PDE10A: variants seen among roughly 807,000 people sequenced by gnomAD.
PDE10A encodes the protein phosphodiesterase 10A, also known as cAMP and cAMP-inhibited cGMP 3',5'-cyclic phosphodiesterase 10A.
In PDE10A, 39 loss-of-function variants were observed where a neutral mutation model predicts 97.7. That is an observed-to-expected ratio of 0.40 (90% CI 0.31 to 0.52). The LOEUF is 0.52. Ranked by LOEUF, PDE10A falls within the 20% of genes least tolerant of loss-of-function variation. The probability of loss-of-function intolerance (pLI) is 0.56; values close to 1 mark genes in which losing one functional copy is unlikely to be tolerated. For missense variants in PDE10A, 731 were observed against 1,047.8 expected (o/e 0.70, Z 4.17); for synonymous variants, 371 against 376.8 (o/e 0.98, Z 0.18).
chr6:165,351,977 C>T (rs933266339), intron 18 of PDE10A, among the ~76,000 whole-genome samples: 1 of 152,034 alleles, frequency 6.6e-6, no homozygotes, highest in Non-Finnish European at 1.5e-5. Flanking sequence ...CCTCAGCCTC[C>T]CAAGTAGCTG....
At chr6:165,459,950 T>TA (rs1778222062) in intron 3 of PDE10A, among the ~76,000 whole-genome samples, 1 of 151,994 alleles carries the variant, frequency 6.6e-6, no homozygotes, top group African/African-American at 2.4e-5. Flanking sequence ...GTCCAAAATG[T>TA]AAAAAAGGAA....
At chr6:165,610,019 A>G (rs1455886021) in intron 1 of PDE10A, among the ~76,000 whole-genome samples, 1 of 152,248 alleles carries the variant, frequency 6.6e-6, no homozygotes, top group African/African-American at 2.4e-5. Flanking sequence ...TTTAAAGTTC[A>G]TATGGAACCA....
At chr6:165,399,539 G>A (rs574185434) in intron 13 of PDE10A, among the ~76,000 whole-genome samples, 38 of 152,066 alleles carry the variant, frequency 2.5e-4, no homozygotes, top group African/African-American at 8.9e-4. Context: ...CCATCAACCC[G>A]TCATTTAACA....
At chr6:165,522,880 A>C (rs985576816) in intron 2 of PDE10A, among the ~76,000 whole-genome samples, 13 of 152,098 alleles carry the variant, frequency 8.5e-5, no homozygotes, top group Non-Finnish European at 1.5e-5. Context: ...AACCCTAAAC[A>C]ATCTACCAAA....
intron 1 of PDE10A, among the ~76,000 whole-genome samples, chr6:165,733,992 C>T (rs1035042010): frequency 3.4e-4 from 52 of 152,234 alleles, no homozygotes; most frequent in African/African-American, 1.3e-3. Context: ...ATAGAAATGG[C>T]ATTTGCTTCA....
chr6:165,350,834 A>G (rs1782643551), intron 18 of PDE10A, among the ~76,000 whole-genome samples: 1 of 152,120 alleles, frequency 6.6e-6, no homozygotes, highest in South Asian at 2.1e-4. Context: ...TCTCCCTCCT[A>G]CTGCCATGTG....
intron 18 of PDE10A, among the ~76,000 whole-genome samples, chr6:165,377,405 C>A (rs1784673144): frequency 6.6e-6 from 1 of 152,042 alleles, no homozygotes; most frequent in Admixed American, 6.6e-5. Context: ...ATTATTAAAA[C>A]AAACATGCAT....
At chr6:165,713,282 A>G (rs1005680734) in intron 1 of PDE10A, among the ~76,000 whole-genome samples, 10 of 152,228 alleles carry the variant, frequency 6.6e-5, no homozygotes, top group African/African-American at 2.2e-4. Context: ...TACACAAGTA[A>G]ATGAAGGAAT....
intron 1 of PDE10A, among the ~76,000 whole-genome samples, chr6:165,830,252 G>A (rs189175247): frequency 6.6e-5 from 10 of 152,254 alleles, no homozygotes; most frequent in Admixed American, 2.0e-4. Context: ...TCACAAAGGC[G>A]CCTCTGTCCC....
rs545008193 is a variant in PDE10A at position 165,876,342 on chromosome 6, C to CT, written c.-615+111186dup. Among the ~76,000 whole-genome samples the CT allele has an allele frequency of 5.1e-4, 77 of 152,202 alleles. 1 individual carries two copies. The highest frequency in any genetic ancestry group is 3.4e-3 in the Middle Eastern group (1 of 294). On this transcript the variant is annotated intron_variant, in intron 1 of 19. Coordinates refer to the PDE10A transcript ENST00000366882. ...AAACCTTACTTAATCCAGATGCTGG[C>CT]TTTTTTAAAATAAAGAAGTGTGTCA...
intron 5 of PDE10A, among the ~76,000 whole-genome samples, chr6:165,441,561 A>T (rs1411342085): frequency 6.6e-6 from 1 of 152,228 alleles, no homozygotes; most frequent in Non-Finnish European, 1.5e-5. Flanking sequence ...GGTAAAACAG[A>T]ACTCACACAA....
At chr6:165,608,017 C>T (rs1040669904) in intron 1 of PDE10A, among the ~76,000 whole-genome samples, 3 of 151,292 alleles carry the variant, frequency 2.0e-5, no homozygotes, top group East Asian at 3.9e-4. Context: ...TATTATTCTA[C>T]GAACAGTTAT....
chr6:165,476,558 A>G (rs1779309628), intron 3 of PDE10A, among the ~76,000 whole-genome samples: 1 of 152,210 alleles, frequency 6.6e-6, no homozygotes, highest in Admixed American at 6.5e-5. Context: ...AGAATGAAAT[A>G]AATGTGAAAG....
intron 1 of PDE10A, among the ~76,000 whole-genome samples, chr6:165,887,813 C>G (rs1019202661): frequency 6.6e-6 from 1 of 152,228 alleles, no homozygotes; most frequent in Non-Finnish European, 1.5e-5. Flanking sequence ...CTACATTCAG[C>G]CCTTTACAAT....
In PDE10A at chr6:165,919,006, A is replaced by T. The variant is rs546339744; in HGVS notation, c.-615+68523T>A. On this transcript the variant is annotated intron_variant, in intron 1 of 19. Coordinates refer to the PDE10A transcript ENST00000366882. Reference sequence around the variant, plus strand: ...GAGAGGGCTTTGCACCCACAGACTCAGTACATTGTCAGAGCATAGAAGCTG... The same window carrying T: ...GAGAGGGCTTTGCACCCACAGACTCTGTACATTGTCAGAGCATAGAAGCTG... Among the ~76,000 whole-genome samples, 48 of 152,348 alleles carry T rather than the reference A, an allele frequency of 3.2e-4. No individual in the cohort carries two copies. The South Asian group carries it at 9.8e-3, about 31-fold the overall frequency.
At chr6:165,929,283 G>A (rs1213145391) in intron 1 of PDE10A, among the ~76,000 whole-genome samples, 1 of 152,234 alleles carries the variant, frequency 6.6e-6, no homozygotes, top group Non-Finnish European at 1.5e-5. Context: ...TGAGGATGGT[G>A]TAGGAAGTGG....
chr6:165,925,720 A>G (rs994584668), intron 1 of PDE10A, among the ~76,000 whole-genome samples: 3 of 152,230 alleles, frequency 2.0e-5, no homozygotes, highest in Admixed American at 1.3e-4. Flanking sequence ...GAGGATCATG[A>G]TGGGAGATAA....
chr6:165,772,096 T>G (rs1778027441), intron 1 of PDE10A, among the ~76,000 whole-genome samples: 1 of 152,208 alleles, frequency 6.6e-6, no homozygotes, highest in South Asian at 2.1e-4. Context: ...TCCGTGAAAC[T>G]AAAATAGTGT....
At chr6:165,707,283 C>A (rs1331960488) in intron 1 of PDE10A, among the ~76,000 whole-genome samples, 1 of 152,166 alleles carries the variant, frequency 6.6e-6, no homozygotes, top group East Asian at 1.9e-4. Context: ...GCAGCTTGGT[C>A]CTCTCCTCTG....
Sources: allele counts gnomAD v4.1 joint callset (sites outside exome capture counted in the v4.1 genomes callset), GRCh38; gene constraint gnomAD v4.1.1; transcripts MANE v1.5; gene names NCBI Gene and HGNC (gene_info 2026-07-23, HGNC 2026-07-21).